DENND2B: variants seen among roughly 807,000 people sequenced by gnomAD.
The protein encoded by DENND2B is DENN domain-containing protein 2B.
In DENND2B, 32 loss-of-function variants were observed where a neutral mutation model predicts 116.0. The ratio of observed to expected loss-of-function variants is 0.28; its 90% confidence interval spans 0.21 to 0.37. The LOEUF (loss-of-function observed/expected upper bound fraction) is 0.37. DENND2B is among the 10% of genes least tolerant of loss of function. DENND2B has a pLI of 1.00. For missense variants in DENND2B, 1,276 were observed against 1,477.7 expected, an observed-to-expected ratio of 0.86 and a Z score of 2.24; for synonymous variants, 588 against 583.9, an observed-to-expected ratio of 1.01 and a Z score of -0.10.
At chr11:8,715,442 C>T (rs1373796315) in intron 6 of DENND2B, 161 bp downstream of exon 6, 2 of 651,188 alleles carry the variant, frequency 3.1e-6, no homozygotes, top group Middle Eastern at 5.0e-4. Flanking sequence ...GGGAATTAAT[C>T]AGATGAAAAA....
intron 19 of DENND2B, 49 bp from the exon 20 acceptor site, chr11:8,694,179 A>G (rs1258115647): frequency 1.9e-6 from 3 of 1,606,090 alleles, no homozygotes; most frequent in Non-Finnish European, 2.6e-6. Flanking sequence ...ATCCCTTCCA[A>G]CCTCCACTCC....
chr11:8,725,376 T>TTC lies in DENND2B; in HGVS notation c.1477+696_1477+697insGA, dbSNP rs2046918218. ...TAACAATAACCTTATGAAATATTAC[T>TTC]TTTTTTTTTTTTTTTGAGACGGAGT... On this transcript the variant is annotated intron_variant, in intron 4 of 19. Coordinates refer to ENST00000313726, the MANE Select transcript of DENND2B (RefSeq NM_213618.2). Among the ~76,000 whole-genome samples, 3 of 147,230 alleles carry TTC rather than the reference T, an allele frequency of 2.0e-5. 1 individual carries two copies. The highest frequency in any genetic ancestry group is 4.3e-4 in the South Asian group (2 of 4,686).
At chr11:8,717,671 G>GGA in intron 5 of DENND2B, 70 bp downstream of exon 5, 2 of 1,469,006 alleles carry the variant, frequency 1.4e-6, no homozygotes, top group South Asian at 1.5e-5. Context: ...CTGGGCCCAA[G>GGA]TCTTGGAAGA....
At chr11:8,881,843 C>T (rs2063907164) in intron 1 of DENND2B, among the ~76,000 whole-genome samples, 1 of 152,192 alleles carries the variant, frequency 6.6e-6, no homozygotes, top group Admixed American at 6.5e-5. Context: ...GCATGCCCGG[C>T]CAGTCTTGTT....
intron 1 of DENND2B, among the ~76,000 whole-genome samples, chr11:8,762,166 A>G (rs10769954): frequency 0.65 from 99,308 of 152,024 alleles, 32,642 homozygotes; most frequent in Non-Finnish European, 0.68. Context: ...CAAAGTAAAA[A>G]CCAAAATCTT....
intron 4 of DENND2B, 59 bp downstream of exon 4, chr11:8,726,014 G>T: frequency 6.2e-7 from 1 of 1,610,654 alleles, no homozygotes; most frequent in Non-Finnish European, 8.5e-7. Flanking sequence ...GTCTCCTCCT[G>T]TTCCTGTTCT....
intron 1 of DENND2B, among the ~76,000 whole-genome samples, chr11:8,897,747 A>G (rs2064120288): frequency 1.3e-5 from 2 of 152,292 alleles, no homozygotes; most frequent in African/African-American, 4.8e-5. Context: ...TTGCATACAT[A>G]GAAATAAAAT....
At chr11:8,757,233 C>T (rs72858283) in intron 1 of DENND2B, 1 of 374,882 alleles carries the variant, frequency 2.7e-6, no homozygotes, top group Non-Finnish European at 5.2e-6. Context: ...TATGACCTAC[C>T]TCCCATGATT....
At chr11:8,725,137 G>A (rs4929931) in intron 4 of DENND2B, among the ~76,000 whole-genome samples, 86,267 of 152,004 alleles carry the variant, frequency 0.57, 25,680 homozygotes, top group Non-Finnish European at 0.66. Context: ...TAGACTGAAT[G>A]TTTCTGTCCC....
intron 1 of DENND2B, among the ~76,000 whole-genome samples, chr11:8,804,960 G>A (rs2060714381): frequency 6.6e-6 from 1 of 152,122 alleles, no homozygotes; most frequent in South Asian, 2.1e-4. Context: ...ATAATATACT[G>A]GAAAGCATTG....
upstream of DENND2B, among the ~76,000 whole-genome samples, chr11:8,871,960 C>A (rs754702724): frequency 2.7e-4 from 41 of 152,164 alleles, no homozygotes; most frequent in Non-Finnish European, 3.2e-4. Context: ...ACGTAAATCA[C>A]TGTAAATAAA....
upstream of DENND2B, among the ~76,000 whole-genome samples, chr11:8,873,744 A>G (rs991967594): frequency 3.9e-5 from 6 of 152,230 alleles, no homozygotes; most frequent in African/African-American, 1.4e-4. Context: ...CCAGCATGAA[A>G]TAAGCGCACA....
chr11:8,702,603 G>A lies in DENND2B; in HGVS notation c.2689C>T (p.Arg897Cys). The A allele has an allele frequency of 6.2e-7, 1 of 1,613,490 alleles. No homozygotes were observed. Among genetic ancestry groups the A allele is most frequent in the Non-Finnish European group, 8.5e-7 (1 of 1,180,036 alleles). ...IRIFASLLLE[R>C]RVIFVADKLS... is the part of the protein sequence containing the mutation. ...TTATCTGCCACAAAAATGACCCGGC[G>A]CTCCAGCAGCAGTGAGGCAAAGATT... The change falls in exon 14 of 20, where the codon CGC becomes TGC. Residue 897 changes from arginine to cysteine, a missense_variant. Transcript: ENST00000313726. This position sits in a 1 kb window ranked among gnomAD's most constrained non-coding sequence, Gnocchi z 4.6.
chr11:8,716,121 G>A (rs1179655837), intron 5 of DENND2B, among the ~76,000 whole-genome samples: 1 of 152,200 alleles, frequency 6.6e-6, no homozygotes, highest in African/African-American at 2.4e-5. Flanking sequence ...TTTTGCGGGG[G>A]TCCTCCTGAG....
At chr11:8,750,825 G>A (rs1235991065) in intron 1 of DENND2B, 100 bp from the exon 2 acceptor site, 1 of 1,012,744 alleles carries the variant, frequency 9.9e-7, no homozygotes, top group South Asian at 1.4e-5. Flanking sequence ...GAGGGTGTCT[G>A]TGGCAGGTAG....
intron 1 of DENND2B, among the ~76,000 whole-genome samples, chr11:8,782,513 ATTTATGAAATTTGGATG>A (rs2058471040): frequency 6.6e-6 from 1 of 152,212 alleles, no homozygotes; most frequent in Non-Finnish European, 1.5e-5. Context: ...ACAGTGTTAC[ATTTATGAAATTTGGATG>A]ATGGGTACAT....
intron 1 of DENND2B, among the ~76,000 whole-genome samples, chr11:8,783,163 T>TC (rs34461919): frequency 6.7e-6 from 1 of 148,950 alleles, no homozygotes; most frequent in Non-Finnish European, 1.5e-5. Context: ...CAAGTGATCC[T>TC]CCCACCTTAG....
chr11:8,757,071 T>C, intron 1 of DENND2B: 1 of 456,194 alleles, frequency 2.2e-6, no homozygotes, highest in Non-Finnish European at 4.4e-6. Flanking sequence ...ACAAACTGCA[T>C]CCAGACAAAC....
At chr11:8,756,501 C>G (rs1024547643) in intron 1 of DENND2B, among the ~76,000 whole-genome samples, 3 of 152,226 alleles carry the variant, frequency 2.0e-5, no homozygotes, top group East Asian at 1.9e-4. Flanking sequence ...ATTCAGGCAT[C>G]TTGAGCTGGC....
Sources: gnomAD v4.1 joint callset for allele counts (sites outside exome capture counted in the v4.1 genomes callset) on GRCh38, gnomAD v4.1.1 for gene constraint, Gnocchi (gnomAD v3.1) non-coding constraint, MANE v1.5 for transcripts, NCBI Gene and HGNC (gene_info 2026-07-23, HGNC 2026-07-21) for gene names.